Variants in WASF1 observed in about 807,000 individuals in gnomAD.
The protein encoded by WASF1 is WASP family member 1.
WASF1 carries 7 observed loss-of-function variants against 50.5 expected under a neutral mutation model. That is an observed-to-expected ratio of 0.14 (90% confidence interval 0.08 to 0.26). The LOEUF (loss-of-function observed/expected upper bound fraction) is 0.26. WASF1 is among the 10% of genes least tolerant of loss of function. The pLI, the probability that WASF1 is intolerant of heterozygous loss-of-function variation, is 1.00. For missense variants in WASF1, 470 were observed against 694.7 expected (o/e 0.68, Z 3.64); for synonymous variants, 205 against 244.0 (o/e 0.84, Z 1.49).
intron 3 of WASF1, among the ~76,000 whole-genome samples, chr6:110,151,101 G>C (rs1291336278): frequency 6.6e-6 from 1 of 152,166 alleles, no homozygotes; most frequent in Non-Finnish European, 1.5e-5. Context: ...GTATTATGGA[G>C]TAAATGTGGA....
chr6:110,122,955 G>A (rs76843866), intron 4 of WASF1, among the ~76,000 whole-genome samples: 13,010 of 150,652 alleles, frequency 0.086, 859 homozygotes, highest in African/African-American at 0.19. Flanking sequence ...GACAAAGTGG[G>A]GAAAAAAAAA....
intron 3 of WASF1, among the ~76,000 whole-genome samples, chr6:110,132,644 G>A (rs1419651472): frequency 2.0e-5 from 3 of 151,872 alleles, no homozygotes; most frequent in African/African-American, 7.3e-5. Context: ...CACCCAAGCA[G>A]GGAACACTGT....
chr6:110,165,975 T>G (rs538779887), intron 2 of WASF1, among the ~76,000 whole-genome samples: 5 of 151,738 alleles, frequency 3.3e-5, no homozygotes, highest in African/African-American at 1.2e-4. Flanking sequence ...GTCAAATAGA[T>G]AGGTACAGTT....
At chr6:110,136,180 A>G (rs981902397) in intron 3 of WASF1, among the ~76,000 whole-genome samples, 8 of 152,096 alleles carry the variant, frequency 5.3e-5, no homozygotes, top group African/African-American at 1.4e-4. Flanking sequence ...CACTGCGCCC[A>G]GCCAAAATGG....
chr6:110,165,814 C>A (rs766455231), intron 2 of WASF1, among the ~76,000 whole-genome samples: 1 of 151,686 alleles, frequency 6.6e-6, no homozygotes, highest in Non-Finnish European at 1.5e-5. Flanking sequence ...CACCCCTGAA[C>A]TTCTGAATCA....
chr6:110,175,494 C>T (rs73537914), intron 2 of WASF1, among the ~76,000 whole-genome samples: 4,240 of 151,966 alleles, frequency 0.028, 184 homozygotes, highest in African/African-American at 0.095. Flanking sequence ...ATAAGAGGGA[C>T]GTAAGCGGTA....
intron 4 of WASF1, among the ~76,000 whole-genome samples, chr6:110,123,578 A>G (rs1226730217): frequency 6.6e-6 from 1 of 152,220 alleles, no homozygotes; most frequent in African/African-American, 2.4e-5. Flanking sequence ...GAATAAAAAC[A>G]TCTGTCTCTA....
intron 3 of WASF1, among the ~76,000 whole-genome samples, chr6:110,142,785 T>A (rs1387325024): frequency 6.6e-6 from 1 of 151,968 alleles, no homozygotes; most frequent in East Asian, 1.9e-4. Flanking sequence ...TACATATAAT[T>A]TAACATCTTT....
intron 3 of WASF1, among the ~76,000 whole-genome samples, chr6:110,154,918 T>A (rs1466354575): frequency 6.6e-6 from 1 of 152,028 alleles, no homozygotes; most frequent in Non-Finnish European, 1.5e-5. Flanking sequence ...CAGGCACATG[T>A]AAAAACTTCT....
At chr6:110,179,051 A>C (rs1430922981) in intron 1 of WASF1, among the ~76,000 whole-genome samples, 3 of 152,234 alleles carry the variant, frequency 2.0e-5, no homozygotes, top group African/African-American at 7.2e-5. Context: ...CGAGCAGGGG[A>C]TTCTCTGTCG....
At chr6:110,131,752 C>T (rs1025162512) in intron 3 of WASF1, among the ~76,000 whole-genome samples, 1 of 152,178 alleles carries the variant, frequency 6.6e-6, no homozygotes, top group African/African-American at 2.4e-5. Context: ...ATTGACCCAC[C>T]TCAGCCTCCC....
At chr6:110,177,890 T>C (rs1459654821) in intron 2 of WASF1, among the ~76,000 whole-genome samples, 1 of 151,924 alleles carries the variant, frequency 6.6e-6, no homozygotes, top group Non-Finnish European at 1.5e-5. Context: ...AATAATGAGA[T>C]GTAAACAGTT....
At chr6:110,124,274 C>CTCTCTCTCTATATATA (rs1331534646) in intron 4 of WASF1, among the ~76,000 whole-genome samples, 1 of 20,502 alleles carries the variant, frequency 4.9e-5, no homozygotes, top group Non-Finnish European at 7.6e-5. Context: ...CTCTCTCTCT[C>CTCTCTCTCTATATATA]TATATATATA....
chr6:110,129,585 C>T (rs1774570387), intron 3 of WASF1, among the ~76,000 whole-genome samples: 1 of 148,300 alleles, frequency 6.7e-6, no homozygotes, highest in African/African-American at 2.6e-5. Context: ...AGTGGAAGCA[C>T]AAAAGATAAA....
intron 2 of WASF1, among the ~76,000 whole-genome samples, chr6:110,174,810 A>T (rs1776856875): frequency 6.6e-6 from 1 of 152,150 alleles, no homozygotes; most frequent in Non-Finnish European, 1.5e-5. Context: ...AATGCATATG[A>T]CAAAAATAGC....
chr6:110,144,639 T>C (rs991239437), intron 3 of WASF1, among the ~76,000 whole-genome samples: 1 of 152,190 alleles, frequency 6.6e-6, no homozygotes, highest in Non-Finnish European at 1.5e-5. Flanking sequence ...TTAATTTTTG[T>C]ATAAGGTGTA....
intron 2 of WASF1, among the ~76,000 whole-genome samples, chr6:110,174,159 C>T (rs979765163): frequency 6.6e-6 from 1 of 152,078 alleles, no homozygotes; most frequent in African/African-American, 2.4e-5. Flanking sequence ...ACTGTTTCAC[C>T]TGTTCTTTGA....
At chr6:110,176,028 A>C (rs887763741) in intron 2 of WASF1, among the ~76,000 whole-genome samples, 1 of 152,084 alleles carries the variant, frequency 6.6e-6, no homozygotes, top group Non-Finnish European at 1.5e-5. Flanking sequence ...CACTAAGTAT[A>C]CTGTTTCTGA....
At chr6:110,124,272 C>CTATA (rs1416564445) in intron 4 of WASF1, among the ~76,000 whole-genome samples, 42 of 42,644 alleles carry the variant, frequency 9.8e-4, no homozygotes, top group East Asian at 1.9e-3. Context: ...CTCTCTCTCT[C>CTATA]TCTATATATA....
Sources: gnomAD v4.1 joint callset for allele counts (sites outside exome capture counted in the v4.1 genomes callset) on GRCh38, gnomAD v4.1.1 for gene constraint, MANE v1.5 for transcripts, NCBI Gene and HGNC (gene_info 2026-07-23, HGNC 2026-07-21) for gene names.